Variants in TBC1D2B observed in about 807,000 individuals in gnomAD.
The protein encoded by TBC1D2B is TBC1 domain family, member 2B.
A neutral mutation model predicts 100.8 loss-of-function variants in TBC1D2B; 64 were observed. The ratio of observed to expected loss-of-function variants is 0.64; its 90% CI spans 0.52 to 0.78. The LOEUF (loss-of-function observed/expected upper bound fraction) is 0.78. Among genes scored for constraint, TBC1D2B ranks in the 30% least tolerant of loss-of-function variants. TBC1D2B has a pLI of 0.00. For synonymous variants in TBC1D2B, 480 were observed against 479.7 expected (o/e 1.00, Z -0.01); for missense variants, 1,052 against 1,218.4 (o/e 0.86, Z 2.03).
At chr15:78,029,642 A>G (rs935248190) in intron 4 of TBC1D2B, among the ~76,000 whole-genome samples, 4 of 152,228 alleles carry the variant, frequency 2.6e-5, no homozygotes, top group African/African-American at 9.6e-5. Context: ...GAGAGACCAT[A>G]GTTCACATTG....
intron 2 of TBC1D2B, among the ~76,000 whole-genome samples, chr15:78,048,603 C>G (rs1480046450): frequency 6.6e-6 from 1 of 152,236 alleles, no homozygotes; most frequent in Non-Finnish European, 1.5e-5. Context: ...GAGGGAGTTT[C>G]CGACTGCATT....
At position 78,076,068 on chromosome 15, in the gene TBC1D2B, C is replaced by T. The variant is rs1205508543; in HGVS notation, c.360+1225G>A. On this transcript the variant is annotated intron_variant, in intron 1 of 12. Transcript: ENST00000300584. ...ACAGAAACCAGGCAGGGAGCAAAGC[C>T]TGGAAAAAGGATACCCAGCTCCAGG... Among the ~76,000 whole-genome samples, 3 of 152,144 alleles carry T rather than the reference C, an allele frequency of 2.0e-5. No individual in the cohort carries two copies. The South Asian group carries it at 6.2e-4, about 32-fold the overall frequency.
At chr15:78,028,623 T>C (rs1246122855) in intron 4 of TBC1D2B, among the ~76,000 whole-genome samples, 2 of 152,212 alleles carry the variant, frequency 1.3e-5, no homozygotes, top group African/African-American at 4.8e-5. Flanking sequence ...ATGATGTGGC[T>C]TCAGATGCGA....
At position 78,077,663 on chromosome 15, in the gene TBC1D2B, C is replaced by G. The variant is rs1219073337; in HGVS notation, c.-11G>C. On this transcript the variant is annotated 5_prime_UTR_variant, in exon 1 of 13. Coordinates refer to ENST00000300584, the MANE Select transcript of TBC1D2B (RefSeq NM_144572.2). ...TCCGGCCCCCGGCATCGCTACCGCG[C>G]GCCAACCGTAGGCGCCCGCGCCCTG... 52 of 986,630 alleles carry G rather than the reference C, an allele frequency of 5.3e-5. No homozygotes were observed. Among genetic ancestry groups the G allele is most frequent in the Non-Finnish European group, 6.3e-5 (52 of 831,228 alleles). 61.1% of individuals were successfully genotyped at this position (986,630 alleles called of 1,614,324 possible).
chr15:78,031,631 G>C (rs2072818132), intron 3 of TBC1D2B, among the ~76,000 whole-genome samples: 2 of 147,218 alleles, frequency 1.4e-5, no homozygotes, highest in African/African-American at 2.5e-5. Flanking sequence ...GTGGAAATAT[G>C]ACAAAACTAT....
chr15:78,059,855 T>C (rs2073506835), intron 1 of TBC1D2B, among the ~76,000 whole-genome samples: 1 of 152,184 alleles, frequency 6.6e-6, no homozygotes, highest in Non-Finnish European at 1.5e-5. Flanking sequence ...TCAATACACG[T>C]ATATTATGGG....
intron 2 of TBC1D2B, among the ~76,000 whole-genome samples, chr15:78,046,754 A>G (rs1159771698): frequency 6.6e-6 from 1 of 152,170 alleles, no homozygotes; most frequent in Non-Finnish European, 1.5e-5. Flanking sequence ...ATACAGGCAT[A>G]AGCCACTGTA....
rs116712007 is a variant in TBC1D2B, at chr15:78,004,586, G to A, written c.2389-1096C>T. 6.0e-3 allele frequency among the ~76,000 whole-genome samples: 920 copies of A among 152,336 alleles called. 6 individuals carry two copies. Among genetic ancestry groups the A allele is most frequent in the African/African-American group, 0.013 (547 of 41,572 alleles). ...CCACTCCACGTGAACCGGTATGCAC[G>A]TGTACAAAACAGAAACAAATGTTTC... is the stretch of plus-strand genomic sequence containing the variant. On this transcript the variant is annotated intron_variant, in intron 10 of 12. Transcript: ENST00000300584.
chr15:78,016,540 A>G lies in TBC1D2B; in HGVS notation c.1775+6T>C. The G allele has an allele frequency of 6.2e-7, 1 of 1,611,488 alleles. No individual in the cohort carries two copies. The highest frequency in any genetic ancestry group is 1.3e-5 in the African/African-American group (1 of 74,978). On this transcript the variant is annotated splice_donor_region_variant and intron_variant, in intron 8 of 12. Transcript: ENST00000300584. ...CACTACCCTCAACAGTCACTAGCAC[A>G]TTTACCTGACAAGATGAGGTTTAAC...
intron 11 of TBC1D2B, among the ~76,000 whole-genome samples, chr15:78,002,116 G>A (rs1352199857): frequency 6.6e-6 from 1 of 152,174 alleles, no homozygotes; most frequent in East Asian, 1.9e-4. Flanking sequence ...CTCTTAGAAA[G>A]TCCCACCTAC....
intron 10 of TBC1D2B, 41 bp downstream of exon 10, chr15:78,008,956 T>A (rs375543193): frequency 1.4e-6 from 2 of 1,407,580 alleles, no homozygotes; most frequent in African/African-American, 2.9e-5. Context: ...TCAGCTGCAA[T>A]TCTAAAAGTG....
intron 5 of TBC1D2B, 57 bp downstream of exon 5, chr15:78,025,202 C>T: frequency 2.7e-6 from 4 of 1,485,568 alleles, no homozygotes; most frequent in Non-Finnish European, 2.8e-6. Context: ...GGGCTTTACT[C>T]CTCCCGTCCT....
At chr15:78,024,946 T>C (rs988493035) in intron 5 of TBC1D2B, among the ~76,000 whole-genome samples, 1 of 152,242 alleles carries the variant, frequency 6.6e-6, no homozygotes, top group Non-Finnish European at 1.5e-5. Context: ...TAAAGAACTC[T>C]GGGCTGAAAC....
chr15:78,011,643 T>C (rs1441782591), intron 9 of TBC1D2B, among the ~76,000 whole-genome samples: 3 of 14,694 alleles, frequency 2.0e-4, no homozygotes, highest in Non-Finnish European at 4.3e-4. Context: ...GCTAATTTTT[T>C]GGTTTTTTTT....
Position 78,030,019 on chromosome 15 carries a change from CA to C in TBC1D2B, c.834del (p.Glu279LysfsTer6). On this transcript the variant is annotated frameshift_variant, in exon 4 of 13. Coordinates refer to ENST00000300584, the MANE Select transcript of TBC1D2B (RefSeq NM_144572.2). LOFTEE classifies it high-confidence loss of function. Reference protein sequence around the residue: ...IVQEEKKKLTPEGNKGVTGSG... With the variant: ...IVQEEKKKLTXEGNKGVTGSG... Reference sequence around the variant, plus strand: ...AGTACATTGATACCTTTGTTTCCTTCAGGGGTCAGCTTCTTCTTTTCTTCCT... The same window carrying C: ...AGTACATTGATACCTTTGTTTCCTTCGGGGTCAGCTTCTTCTTTTCTTCCT... The C allele has an allele frequency of 6.2e-7, 1 of 1,606,564 alleles. No homozygotes were observed. Among genetic ancestry groups the C allele is most frequent in the Non-Finnish European group, 8.5e-7 (1 of 1,177,644 alleles).
Position 78,040,882 on chromosome 15 carries a change from G to GAAAGAAAGAAAGAA in TBC1D2B, c.683+4017_683+4018insTTCTTTCTTTCTTT, listed in dbSNP as rs1471917186. 6.3e-3 allele frequency among the ~76,000 whole-genome samples: 825 copies of GAAAGAAAGAAAGAA among 130,156 alleles called. 6 individuals are homozygous for GAAAGAAAGAAAGAA. The highest frequency in any genetic ancestry group is 0.015 in the Middle Eastern group (4 of 270). The allele number at this position is 130,156 out of a possible 152,430, so 85.4% of individuals were successfully genotyped here. ...AGAAAGAAAGAAAGAAAGAAAGAAA[G>GAAAGAAAGAAAGAA]AGAGAGAGAGAGAAAGAAAGAAAGA... On this transcript the variant is annotated intron_variant, in intron 3 of 12. Coordinates refer to ENST00000300584, the MANE Select transcript of TBC1D2B (RefSeq NM_144572.2).
At position 78,003,295 on chromosome 15, in the gene TBC1D2B, G is replaced by A. The variant is rs1407291304; in HGVS notation, c.2574+10C>T. 2 of 1,611,586 alleles carry A rather than the reference G, an allele frequency of 1.2e-6. No homozygotes were observed. The highest frequency in any genetic ancestry group is 2.7e-5 in the African/African-American group (2 of 74,876). On this transcript the variant is annotated intron_variant, in intron 11 of 12. Coordinates refer to ENST00000300584, the MANE Select transcript of TBC1D2B (RefSeq NM_144572.2). ...GTATATCTGAAAATAGCTGAGCTGA[G>A]CTAACTCACCTTTGGTCCTTCATAA...
In TBC1D2B at chr15:78,077,283, G is replaced by T; in HGVS notation, c.360+10C>A. 6.8e-7 allele frequency: 1 copy of T among 1,459,878 alleles called. No homozygotes were observed. 90.4% of individuals were successfully genotyped at this position (1,459,878 alleles called of 1,614,324 possible). A position where few individuals can be genotyped will look rare whatever the true frequency, so the allele number is the denominator to read the frequency against. The stretch of plus-strand genomic sequence containing the variant: ...AAGCGCGCGGGCGGCTTTGGGGCGA[G>T]CGGTCCCACCTTGAGCACCGTGACG... On this transcript the variant is annotated intron_variant, in intron 1 of 12. Transcript: ENST00000300584.
rs913866655 is a variant in TBC1D2B, at chr15:77,996,255, G to A, written c.*1905C>T. 7 of 152,034 alleles carry A rather than the reference G, an allele frequency of 4.6e-5. No homozygotes were observed. Among genetic ancestry groups the A allele is most frequent in the Admixed American group, 6.6e-5 (1 of 15,266 alleles). 9.4% of individuals were successfully genotyped at this position (152,034 alleles called of 1,614,324 possible). A position where few individuals can be genotyped will look rare whatever the true frequency, so the allele number is the denominator to read the frequency against. ...TCTCTCAGGGCAAACTGGACAACAC[G>A]AGCCTGTCCCTAAAGGCAGCTCTTA... On this transcript the variant is annotated 3_prime_UTR_variant, in exon 13 of 13. Transcript: ENST00000300584.
Sources: gnomAD v4.1 joint callset for allele counts (sites outside exome capture counted in the v4.1 genomes callset) on GRCh38, gnomAD v4.1.1 for gene constraint, MANE v1.5 for transcripts, NCBI Gene and HGNC (gene_info 2026-07-23, HGNC 2026-07-21) for gene names.